The following KIF26A variants were observed in gnomAD, a reference collection of about 807,000 sequenced individuals.
KIF26A encodes the protein kinesin-like protein KIF26A.
KIF26A carries 74 observed loss-of-function variants against 126.0 expected under a neutral mutation model. The observed-to-expected ratio is 0.59, with a 90% CI of 0.49 to 0.71. KIF26A has a LOEUF of 0.71. Among genes scored for constraint, KIF26A ranks in the 30% least tolerant of loss-of-function variants. The pLI, the probability that KIF26A is intolerant of heterozygous loss-of-function variation, is 0.00. For missense variants in KIF26A, 2,984 were observed against 2,763.3 expected (o/e 1.08, Z -1.79); for synonymous variants, 1,445 against 1,232.7 (o/e 1.17, Z -3.61).
rs1303368751 is a variant in KIF26A, at chr14:104,173,830, C to T, written c.1992C>T (p.Ile664=). 1.5e-5 allele frequency: 24 copies of T among 1,600,390 alleles called. No individual in the cohort carries two copies. The highest frequency in any genetic ancestry group is 2.0e-5 in the Non-Finnish European group (23 of 1,178,464). ...CCCTGTCGGCCCTGGGCAGCGTCATCTTGGCCCTGGTCAACGGAGCCAAGC... is the reference window on the plus strand; with the variant it reads ...CCCTGTCGGCCCTGGGCAGCGTCATTTTGGCCCTGGTCAACGGAGCCAAGC... ...CLSLSALGSV[I]LALVNGAKHV... is the part of the protein sequence containing the mutation. Residue 664 remains isoleucine, a synonymous_variant, in exon 10 of 15, where the codon ATC becomes ATT. Transcript: ENST00000423312.
intron 8 of KIF26A, 25 bp from the exon 9 acceptor site, chr14:104,173,305 G>A (rs750702813): frequency 1.6e-5 from 26 of 1,601,776 alleles, no homozygotes; most frequent in East Asian, 6.7e-5. Flanking sequence ...CACTGAAGAC[G>A]CCGCTGCCTC....
chr14:104,161,248 C>T (rs954983433), intron 4 of KIF26A, among the ~76,000 whole-genome samples: 9 of 151,682 alleles, frequency 5.9e-5, no homozygotes, highest in Admixed American at 1.3e-4. Flanking sequence ...TCCCCCGATG[C>T]CTGCCCTGGT....
intron 3 of KIF26A, among the ~76,000 whole-genome samples, chr14:104,155,954 A>G (rs2037772893): frequency 6.6e-6 from 1 of 152,208 alleles, no homozygotes; most frequent in Non-Finnish European, 1.5e-5. Flanking sequence ...TGGGGGAGGC[A>G]GGGTGTCCTG....
rs191651240 is a variant in KIF26A at position 104,164,036 on chromosome 14, T to G, written c.924-2823T>G. ...TCCACCATGTGTCATAGATTACTTT[T>G]ACTTTCCACGATGACACCTCACTAG... On this transcript the variant is annotated intron_variant, in intron 4 of 14. Coordinates refer to ENST00000423312, the MANE Select transcript of KIF26A (RefSeq NM_015656.2). 2.0e-5 allele frequency among the ~76,000 whole-genome samples: 3 copies of G among 152,290 alleles called. No homozygotes were observed. The East Asian group carries it at 5.8e-4, about 30-fold the overall frequency.
chr14:104,157,743 C>A lies in KIF26A; in HGVS notation c.736-12C>A. The A allele has an allele frequency of 6.2e-7, 1 of 1,609,430 alleles. No homozygotes were observed. Among genetic ancestry groups the A allele is most frequent in the South Asian group, 1.1e-5 (1 of 90,726 alleles). ...CTTGCGTTCCTTATACGCACTCTCT[C>A]CTTCCCTCCAGGCCGAGGCAGCGGT... On this transcript the variant is annotated splice_polypyrimidine_tract_variant and intron_variant, in intron 3 of 14. Coordinates refer to ENST00000423312, the MANE Select transcript of KIF26A (RefSeq NM_015656.2).
In KIF26A at chr14:104,146,150, G is replaced by A. The variant is rs1375871695; in HGVS notation, c.289-5865G>A. ...TCTCTCTGAGCCTCAGTCTATAAAG[G>A]GGTCACAGACTCCTGGTAGCCAGTG... On this transcript the variant is annotated intron_variant, in intron 2 of 14. Transcript: ENST00000423312. Among the ~76,000 whole-genome samples, 5 of 152,164 alleles carry A rather than the reference G, an allele frequency of 3.3e-5. No homozygotes were observed. In the East Asian group the frequency reaches 9.7e-4, roughly 29 times the overall value.
At chr14:104,157,377 G>T (rs1190774515) in intron 3 of KIF26A, among the ~76,000 whole-genome samples, 4 of 152,182 alleles carry the variant, frequency 2.6e-5, no homozygotes, top group African/African-American at 9.7e-5. Flanking sequence ...AGAGGGTGGG[G>T]GGTCTGTGTC....
chr14:104,152,387 A>T lies in KIF26A; in HGVS notation c.661A>T (p.Ile221Phe). ...TGGAGGGGCGCTGAGCACGGTCACC[A>T]TCCAGGCCCAGCAGTGCCTGGAGGG... ...GLGGALSTVTIQAQQCLEGMW... is the reference protein window; with the variant it reads ...GLGGALSTVTFQAQQCLEGMW... Residue 221 changes from isoleucine (I) to phenylalanine (F), a missense_variant, in exon 3 of 15, where the codon ATC becomes TTC. Coordinates refer to ENST00000423312, the MANE Select transcript of KIF26A (RefSeq NM_015656.2). This position sits in a 1 kb window ranked among gnomAD's most constrained non-coding sequence, Gnocchi z 5.9. 1 of 1,597,052 alleles carries T rather than the reference A, an allele frequency of 6.3e-7. No homozygotes were observed.
intron 2 of KIF26A, among the ~76,000 whole-genome samples, chr14:104,141,185 G>A (rs917089369): frequency 1.7e-4 from 26 of 152,214 alleles, no homozygotes; most frequent in Admixed American, 1.7e-3. Context: ...GTTTGGGTTG[G>A]GAGGGAAATC....
chr14:104,175,164 C>T lies in KIF26A; in HGVS notation c.2376C>T (p.Tyr792=), dbSNP rs750131054. The part of the protein sequence containing the change: ...SSEQSCDTVI[Y]VGPGGAALSD... ...AGCAGTCCTGTGACACGGTCATCTA[C>T]GTGGGGCCCGGTGGGGCGGCGCTGT... is the stretch of plus-strand genomic sequence containing the variant. The change falls in exon 12 of 15, where the codon TAC becomes TAT. Residue 792 remains tyrosine (Y), a synonymous_variant. Coordinates refer to ENST00000423312, the MANE Select transcript of KIF26A (RefSeq NM_015656.2). 9 of 1,607,412 alleles carry T rather than the reference C, an allele frequency of 5.6e-6. No homozygotes were observed. Among genetic ancestry groups the T allele is most frequent in the Middle Eastern group, 1.7e-4 (1 of 6,058 alleles).
chr14:104,145,426 TG>T (rs2037671752), intron 2 of KIF26A, among the ~76,000 whole-genome samples: 1 of 152,116 alleles, frequency 6.6e-6, no homozygotes, highest in Non-Finnish European at 1.5e-5. Context: ...GCTGTAGGGC[TG>T]GGGATGGGTG....
At position 104,139,055 on chromosome 14, in the gene KIF26A, G is replaced by C; in HGVS notation, c.55G>C (p.Gly19Arg). The change falls in exon 2 of 15, where the codon GGC (glycine) becomes CGC (arginine). Residue 19 changes from glycine to arginine, a missense_variant. Coordinates refer to ENST00000423312, the MANE Select transcript of KIF26A (RefSeq NM_015656.2). ...CCACACCCTGCAGGTGGCCGAGGGC[G>C]GCCCGGCCCGCGAGCCGCCGCCGCT... The part of the protein sequence containing the change: ...CAAQPAVAEG[G>R]PAREPPPLLE... 1 of 1,373,250 alleles carries C rather than the reference G, an allele frequency of 7.3e-7. No homozygotes were observed. Among genetic ancestry groups the C allele is most frequent in the Non-Finnish European group, 9.3e-7 (1 of 1,071,388 alleles). The allele number at this position is 1,373,250 out of a possible 1,614,324, so 85.1% of individuals were successfully genotyped here. A position where few individuals can be genotyped will look rare whatever the true frequency, so the allele number is the denominator to read the frequency against.
chr14:104,157,873 T>G lies in KIF26A; in HGVS notation c.854T>G (p.Leu285Arg). 1 of 1,597,288 alleles carries G rather than the reference T, an allele frequency of 6.3e-7. No homozygotes were observed. Among genetic ancestry groups the G allele is most frequent in the Non-Finnish European group, 8.5e-7 (1 of 1,170,408 alleles). The part of the protein sequence containing the change: ...WGRGGVCTSA[L>R]VTPTPGSVGG... ...CGTGGTGGAGTCTGCACGTCAGCCC[T>G]GGTCACCCCCACCCCGGGCTCGGTG... Residue 285 changes from leucine to arginine, a missense_variant, in exon 4 of 15, where the codon CTG (leucine) becomes CGG (arginine). By Grantham distance (102) the Leu-to-Arg change is moderately radical. Coordinates refer to ENST00000423312, the MANE Select transcript of KIF26A (RefSeq NM_015656.2).
At chr14:104,178,870 CT>C in intron 13 of KIF26A, 115 bp downstream of exon 13, 1 of 645,528 alleles carries the variant, frequency 1.5e-6, no homozygotes, top group Non-Finnish European at 2.6e-6. Flanking sequence ...TGGGCAGCCC[CT>C]GACCTCACTT....
chr14:104,174,467 G>A (rs1025971367), intron 11 of KIF26A, among the ~76,000 whole-genome samples, 157 bp downstream of exon 11: 1 of 152,168 alleles, frequency 6.6e-6, no homozygotes, highest in Admixed American at 6.5e-5. Flanking sequence ...ATGCCCATGT[G>A]GCCCTCCCTG....
At chr14:104,139,715 T>C (rs975996887) in intron 2 of KIF26A, among the ~76,000 whole-genome samples, 4 of 152,294 alleles carry the variant, frequency 2.6e-5, no homozygotes, top group African/African-American at 9.6e-5. Flanking sequence ...GGAAATTACA[T>C]ACCTGGGGCC....
intron 2 of KIF26A, among the ~76,000 whole-genome samples, chr14:104,150,828 G>C (rs748521635): frequency 6.6e-6 from 1 of 152,212 alleles, no homozygotes; most frequent in Non-Finnish European, 1.5e-5. Flanking sequence ...GACCCCTGTC[G>C]GGTGGTGTTC....
At chr14:104,171,385 C>T (rs573748163) in intron 5 of KIF26A, among the ~76,000 whole-genome samples, 1 of 152,170 alleles carries the variant, frequency 6.6e-6, no homozygotes, top group Non-Finnish European at 1.5e-5. Context: ...CCTGCCCTCT[C>T]CTGGACTGAG....
chr14:104,171,594 T>C, intron 5 of KIF26A, 129 bp from the exon 6 acceptor site: 1 of 746,778 alleles, frequency 1.3e-6, no homozygotes. Context: ...GGTGTCCACA[T>C]TCCTGCGGTG....
Sources: allele counts gnomAD v4.1 joint callset (sites outside exome capture counted in the v4.1 genomes callset), GRCh38; gene constraint gnomAD v4.1.1; non-coding constraint Gnocchi (gnomAD v3.1); transcripts MANE v1.5; gene names NCBI Gene and HGNC (gene_info 2026-07-23, HGNC 2026-07-21).